MAST4: variants seen among roughly 807,000 people sequenced by gnomAD.
MAST4 encodes the protein microtubule associated serine/threonine kinase family member 4.
Under a neutral mutation model 162.7 loss-of-function variants are expected in MAST4, and 89 were observed. The observed-to-expected ratio is 0.55, with a 90% confidence interval of 0.46 to 0.65. The LOEUF (loss-of-function observed/expected upper bound fraction) is 0.65. Ranked by LOEUF, MAST4 falls within the 30% of genes least tolerant of loss-of-function variation. The pLI, the probability that MAST4 is intolerant of heterozygous loss-of-function variation, is 0.00. For synonymous variants in MAST4, 1,479 were observed against 1,361.1 expected (o/e 1.09, Z -1.91); for missense variants, 3,153 against 3,374.0 (o/e 0.93, Z 1.62).
intron 4 of MAST4, among the ~76,000 whole-genome samples, chr5:67,038,401 C>T (rs1199081643): frequency 6.6e-6 from 1 of 152,186 alleles, no homozygotes; most frequent in African/African-American, 2.4e-5. Context: ...TGATTACAAA[C>T]TCCTTGTAAG....
At chr5:66,883,074 A>G (rs1024160115) in intron 3 of MAST4, among the ~76,000 whole-genome samples, 2 of 152,248 alleles carry the variant, frequency 1.3e-5, no homozygotes, top group Non-Finnish European at 2.9e-5. Flanking sequence ...AAGGACATAA[A>G]TAAACCTTGA....
At chr5:66,740,148 A>T (rs1752402948) in intron 1 of MAST4, among the ~76,000 whole-genome samples, 1 of 152,146 alleles carries the variant, frequency 6.6e-6, no homozygotes, top group Non-Finnish European at 1.5e-5. Flanking sequence ...ATAAAGTTGA[A>T]ACCCTAAATA....
chr5:67,020,420 T>G (rs1753827451), intron 4 of MAST4, among the ~76,000 whole-genome samples: 1 of 152,236 alleles, frequency 6.6e-6, no homozygotes, highest in Non-Finnish European at 1.5e-5. Context: ...TTCTTTCCCC[T>G]TTGGTATGAA....
intron 4 of MAST4, among the ~76,000 whole-genome samples, chr5:67,008,983 T>C (rs1752358530): frequency 6.6e-6 from 1 of 152,210 alleles, no homozygotes; most frequent in Non-Finnish European, 1.5e-5. Context: ...CTCTTCCCTC[T>C]TGCCCTGGTA....
chr5:66,634,046 G>T (rs1425826942), intron 1 of MAST4, among the ~76,000 whole-genome samples: 1 of 151,998 alleles, frequency 6.6e-6, no homozygotes, highest in Non-Finnish European at 1.5e-5. Context: ...TAACTGGTTT[G>T]TTTTTTTCTT....
intron 4 of MAST4, among the ~76,000 whole-genome samples, chr5:67,049,023 G>GTATATATATATACACTTA: frequency 1.2e-5 from 1 of 85,660 alleles, no homozygotes; most frequent in South Asian, 3.7e-4. Flanking sequence ...ATATATATAC[G>GTATATATATATACACTTA]TATATATATA....
intron 1 of MAST4, among the ~76,000 whole-genome samples, chr5:66,653,824 A>G (rs1746380839): frequency 6.6e-6 from 1 of 151,982 alleles, no homozygotes. Flanking sequence ...TCTATACTAT[A>G]CCTTTTGACA....
intron 4 of MAST4, among the ~76,000 whole-genome samples, chr5:66,939,510 A>G (rs1198897534): frequency 6.6e-6 from 1 of 151,952 alleles, no homozygotes; most frequent in Non-Finnish European, 1.5e-5. Flanking sequence ...TTTTCATTGT[A>G]TTTTGCTAGT....
At position 66,908,977 on chromosome 5, in the gene MAST4, A is replaced by G. The variant is rs1469687901; in HGVS notation, c.674+8995A>G. ...TGTTTATGACAGTACCTGGCATACA[A>G]TAAGTGCTGTATGTTTTCTTAAATA... On this transcript the variant is annotated intron_variant, in intron 4 of 28. Transcript: ENST00000403625. Among the ~76,000 whole-genome samples, 8 of 152,258 alleles carry G rather than the reference A, an allele frequency of 5.3e-5. No individual in the cohort carries two copies. The East Asian group carries it at 5.8e-4, about 11-fold the overall frequency.
intron 14 of MAST4, among the ~76,000 whole-genome samples, chr5:67,124,581 AAAC>A (rs1767985110): frequency 1.3e-5 from 2 of 152,304 alleles, no homozygotes; most frequent in South Asian, 2.1e-4. Flanking sequence ...CAAGAACAGA[AAAC>A]AACAACAAAA....
In MAST4 at chr5:66,996,267, G is replaced by T. The variant is rs183754481; in HGVS notation, c.675-58137G>T. On this transcript the variant is annotated intron_variant, in intron 4 of 28. Coordinates refer to ENST00000403625, the MANE Select transcript of MAST4 (RefSeq NM_001164664.2). ...GCACTCCAGCCTGGGCAACAAGAGT[G>T]AAACTCCATCTCAAAAAAATATATA... Among the ~76,000 whole-genome samples the T allele has an allele frequency of 8.6e-5, 13 of 151,538 alleles. No individual in the cohort carries two copies. In the East Asian group the frequency reaches 2.3e-3, roughly 27 times the overall value.
rs1040898832 is a variant in MAST4 at position 66,694,872 on chromosome 5, C to CT, written c.364-64829dup. On this transcript the variant is annotated intron_variant, in intron 1 of 28. Coordinates refer to ENST00000403625, the MANE Select transcript of MAST4 (RefSeq NM_001164664.2). ...CATGTCCTTTGCCCATGTTTAATGC[C>CT]TTTTTTTTCTTGTAAATTTAAGTTC... is the stretch of plus-strand genomic sequence containing the variant. Among the ~76,000 whole-genome samples the CT allele has an allele frequency of 2.6e-3, 401 of 151,930 alleles. 2 individuals are homozygous for CT. Among genetic ancestry groups the CT allele is most frequent in the African/African-American group, 9.0e-3 (374 of 41,410 alleles).
At chr5:67,079,731 G>A (rs776365238) in intron 5 of MAST4, among the ~76,000 whole-genome samples, 4 of 152,184 alleles carry the variant, frequency 2.6e-5, no homozygotes, top group African/African-American at 9.7e-5. Flanking sequence ...CTGCCTCAAA[G>A]CCTCCTTTCC....
chr5:66,919,013 G>C (rs1440533779), intron 4 of MAST4, among the ~76,000 whole-genome samples: 1 of 151,482 alleles, frequency 6.6e-6, no homozygotes, highest in East Asian at 2.0e-4. Context: ...TGAGATGGGA[G>C]AATTACTTAA....
At chr5:67,007,956 T>G (rs1487825204) in intron 4 of MAST4, among the ~76,000 whole-genome samples, 2 of 152,254 alleles carry the variant, frequency 1.3e-5, no homozygotes, top group African/African-American at 4.8e-5. Context: ...ACTCTGTCCC[T>G]TGTGCTACGT....
intron 5 of MAST4, among the ~76,000 whole-genome samples, chr5:67,084,858 C>G (rs115646792): frequency 1.2e-3 from 188 of 152,154 alleles, no homozygotes; most frequent in African/African-American, 4.3e-3. Context: ...TCATTATGCA[C>G]TAAATAATAT....
intron 1 of MAST4, among the ~76,000 whole-genome samples, chr5:66,604,979 G>A (rs570139356): frequency 1.5e-4 from 23 of 152,172 alleles, no homozygotes; most frequent in Non-Finnish European, 2.6e-4. Flanking sequence ...CATAGCCAGC[G>A]AAATTGCATT....
chr5:66,673,454 C>T (rs1561252926), intron 1 of MAST4, among the ~76,000 whole-genome samples: 1 of 151,410 alleles, frequency 6.6e-6, no homozygotes, highest in Non-Finnish European at 1.5e-5. Context: ...GTTACCATCC[C>T]TTTCTGAAAC....
At chr5:67,013,067 TTACATTCTGCTTTGTGGTCC>T (rs534686194) in intron 4 of MAST4, among the ~76,000 whole-genome samples, 127 of 152,356 alleles carry the variant, frequency 8.3e-4, no homozygotes, top group African/African-American at 2.9e-3. Flanking sequence ...CTGGGAATTT[TTACATTCTGCTTTGTGGTCC>T]TACATTTATC....
Sources: gnomAD v4.1 joint callset for allele counts (sites outside exome capture counted in the v4.1 genomes callset) on GRCh38, gnomAD v4.1.1 for gene constraint, MANE v1.5 for transcripts, NCBI Gene and HGNC (gene_info 2026-07-23, HGNC 2026-07-21) for gene names.